Variants in SERPINA12 observed in about 807,000 individuals in gnomAD.
SERPINA12 encodes the protein serpin family A member 12.
A neutral mutation model predicts 25.9 loss-of-function variants in SERPINA12; 21 were observed. The ratio of observed to expected loss-of-function variants is 0.81; its 90% CI spans 0.58 to 1.17. The LOEUF (loss-of-function observed/expected upper bound fraction) is 1.17, where lower values mean the gene tolerates loss of function less well. Among genes scored for constraint, SERPINA12 ranks in the 50% most tolerant of loss-of-function variants. The probability of loss-of-function intolerance (pLI) is 0.00; values close to 1 mark genes in which losing one functional copy is unlikely to be tolerated. For missense variants in SERPINA12, 562 were observed against 508.3 expected, an observed-to-expected ratio of 1.11 and a Z score of -1.02; for synonymous variants, 220 against 196.0, an observed-to-expected ratio of 1.12 and a Z score of -1.02.
intron 3 of SERPINA12, among the ~76,000 whole-genome samples, chr14:94,495,398 C>T (rs990880384): frequency 6.6e-6 from 1 of 152,164 alleles, no homozygotes; most frequent in African/African-American, 2.4e-5. Context: ...CTGCAGCTCA[C>T]TCTAGATATA....
intron 2 of SERPINA12, among the ~76,000 whole-genome samples, 189 bp from the exon 3 acceptor site, chr14:94,496,832 G>A (rs1900448261): frequency 1.3e-5 from 2 of 152,264 alleles, no homozygotes; most frequent in African/African-American, 4.8e-5. Context: ...GCAATTATTA[G>A]TTCCCAAAGA....
intron 1 of SERPINA12, among the ~76,000 whole-genome samples, chr14:94,499,343 GA>G (rs1900614771): frequency 6.6e-6 from 1 of 152,118 alleles, no homozygotes; most frequent in African/African-American, 2.4e-5. Context: ...TCTCAGCTTT[GA>G]CATCTTCCAA....
intron 1 of SERPINA12, among the ~76,000 whole-genome samples, chr14:94,504,492 G>T (rs1286329295): frequency 6.6e-6 from 1 of 152,234 alleles, no homozygotes; most frequent in Non-Finnish European, 1.5e-5. Flanking sequence ...TATCATCATT[G>T]CTGCCCATGG....
chr14:94,510,097 G>A, upstream of SERPINA12: 1 of 985,402 alleles, frequency 1.0e-6, no homozygotes, highest in Non-Finnish European at 1.2e-6. Context: ...AGACATAGGT[G>A]ACTCATAATG....
chr14:94,513,169 A>C (rs748583603), upstream of SERPINA12, among the ~76,000 whole-genome samples: 1 of 152,230 alleles, frequency 6.6e-6, no homozygotes, highest in Non-Finnish European at 1.5e-5. Context: ...GATAGAAACC[A>C]AGTGTGGGCT....
chr14:94,516,188 AG>A (rs1901227801), intron 1 of SERPINA12: 1 of 152,338 alleles, frequency 6.6e-6, no homozygotes, highest in African/African-American at 2.4e-5. Flanking sequence ...AGGTTACTGC[AG>A]GGATTAGGTC....
chr14:94,514,300 C>A (rs1449842670), upstream of SERPINA12, among the ~76,000 whole-genome samples: 3 of 152,252 alleles, frequency 2.0e-5, no homozygotes, highest in African/African-American at 7.2e-5. Flanking sequence ...TCCACACCCA[C>A]CCCCTCCCAG....
rs770606904 is a variant in SERPINA12 at position 94,487,360 on chromosome 14, G to T, written c.1188C>A (p.Ser396Arg). 4 of 1,614,048 alleles carry T rather than the reference G, an allele frequency of 2.5e-6. No individual in the cohort carries two copies. Among genetic ancestry groups the T allele is most frequent in the Non-Finnish European group, 3.4e-6 (4 of 1,179,988 alleles). ...IDKPYLLLIYSEKIPSVLFLG... is the reference protein window; with the variant it reads ...IDKPYLLLIYREKIPSVLFLG... ...GGAAGAGCACGGAAGGTATTTTCTC[G>T]CTGTAAATCAGCAGCAGATAGGGTT... The change falls in exon 5 of 5, where the codon AGC (serine) becomes AGA (arginine). Residue 396 changes from serine to arginine, a missense_variant. Ser to Arg is a moderately radical substitution (Grantham distance 110). Transcript: ENST00000677451.
chr14:94,493,736 G>A (rs368791455), intron 3 of SERPINA12, among the ~76,000 whole-genome samples: 3 of 152,172 alleles, frequency 2.0e-5, no homozygotes, highest in African/African-American at 7.2e-5. Context: ...CTGGGTCCCT[G>A]TGAGGAGCTT....
chr14:94,487,349 G>C lies in SERPINA12; in HGVS notation c.1199C>G (p.Pro400Arg). The change falls in exon 5 of 5, where the codon CCT becomes CGT. Residue 400 changes from proline to arginine, a missense_variant. Physicochemically the swap from Pro to Arg is moderately radical, Grantham distance 103. Coordinates refer to ENST00000677451, the MANE Select transcript of SERPINA12 (RefSeq NM_001382267.1). ...YLLLIYSEKI[P>R]SVLFLGKIVN... ...AATCTTTCCCAGGAAGAGCACGGAA[G>C]GTATTTTCTCGCTGTAAATCAGCAG... 6.2e-7 allele frequency: 1 copy of C among 1,614,106 alleles called. No individual in the cohort carries two copies. The highest frequency in any genetic ancestry group is 8.5e-7 in the Non-Finnish European group (1 of 1,180,006).
At chr14:94,505,121 T>A (rs76224549) in intron 1 of SERPINA12, among the ~76,000 whole-genome samples, 12,201 of 152,278 alleles carry the variant, frequency 0.08, 553 homozygotes, top group African/African-American at 0.11. Context: ...GTAGGTCGTA[T>A]CTGATCGAAA....
At chr14:94,495,074 T>TA (rs1248930556) in intron 3 of SERPINA12, among the ~76,000 whole-genome samples, 2,946 of 141,162 alleles carry the variant, frequency 0.021, 118 homozygotes, top group African/African-American at 0.076. Flanking sequence ...CTTTTTTTTT[T>TA]TTTTTTTTTT....
At chr14:94,492,725 G>A (rs1490977421) in intron 3 of SERPINA12, among the ~76,000 whole-genome samples, 1 of 152,202 alleles carries the variant, frequency 6.6e-6, no homozygotes, top group African/African-American at 2.4e-5. Context: ...TGTGCTGACA[G>A]GTGAGTGCAT....
At chr14:94,487,652 T>C (rs1566802979) in intron 4 of SERPINA12, among the ~76,000 whole-genome samples, 158 bp from the exon 5 acceptor site, 1 of 152,058 alleles carries the variant, frequency 6.6e-6, no homozygotes. Flanking sequence ...CTTTCGCCAT[T>C]AATGCTGGAG....
At chr14:94,503,442 A>T (rs1252565327) in intron 1 of SERPINA12, 1 of 384,554 alleles carries the variant, frequency 2.6e-6, no homozygotes, top group African/African-American at 2.2e-5. Flanking sequence ...GTCCATATTG[A>T]TGCTGCAGAC....
In SERPINA12 at chr14:94,495,468, T is replaced by A. The variant is rs148921554; in HGVS notation, c.905+905A>T. Among the ~76,000 whole-genome samples the A allele has an allele frequency of 3.3e-3, 510 of 152,286 alleles. 3 individuals are homozygous for A. The highest frequency in any genetic ancestry group is 0.011 in the African/African-American group (473 of 41,560). ...TCTGCATGAAAAGAGTTGCATCAGT[T>A]CAGTTACCACCCATGGGTTACTAAG... On this transcript the variant is annotated intron_variant, in intron 3 of 4. Transcript: ENST00000677451.
At chr14:94,491,317 G>A (rs1298190984) in intron 3 of SERPINA12, among the ~76,000 whole-genome samples, 3 of 152,212 alleles carry the variant, frequency 2.0e-5, no homozygotes, top group African/African-American at 7.2e-5. Flanking sequence ...TGCAGGAATC[G>A]AGGATTGGTC....
chr14:94,510,233 G>A, upstream of SERPINA12: 1 of 985,400 alleles, frequency 1.0e-6, no homozygotes. Flanking sequence ...AAGTCATGCT[G>A]TCAATCAATT....
Position 94,494,806 on chromosome 14 carries a change from T to C in SERPINA12, c.905+1567A>G, listed in dbSNP as rs185945820. Among the ~76,000 whole-genome samples the C allele has an allele frequency of 1.9e-3, 289 of 152,342 alleles. 1 individual carries two copies. The highest frequency in any genetic ancestry group is 6.7e-3 in the African/African-American group (277 of 41,576). The stretch of plus-strand genomic sequence containing the variant: ...ACATTTAATTCTCTCAAGAGTACTG[T>C]GGTGTTGGCGATATTATGGCCACAC... On this transcript the variant is annotated intron_variant, in intron 3 of 4. Transcript: ENST00000677451.
Sources: allele counts gnomAD v4.1 joint callset (sites outside exome capture counted in the v4.1 genomes callset), GRCh38; gene constraint gnomAD v4.1.1; transcripts MANE v1.5; gene names NCBI Gene and HGNC (gene_info 2026-07-23, HGNC 2026-07-21).